ABTB2: variants seen among roughly 807,000 people sequenced by gnomAD.
The protein encoded by ABTB2 is ankyrin repeat and BTB/POZ domain-containing protein 2.
Under a neutral mutation model 104.1 loss-of-function variants are expected in ABTB2, and 56 were observed. The ratio of observed to expected loss-of-function variants is 0.54; its 90% confidence interval spans 0.43 to 0.67. The LOEUF (loss-of-function observed/expected upper bound fraction) is 0.67. Among genes scored for constraint, ABTB2 ranks in the 30% least tolerant of loss-of-function variants. The pLI is 0.00. For missense variants in ABTB2, 1,279 were observed against 1,407.7 expected, an observed-to-expected ratio of 0.91 and a Z score of 1.46; for synonymous variants, 606 against 608.2, an observed-to-expected ratio of 1.00 and a Z score of 0.05.
intron 1 of ABTB2, among the ~76,000 whole-genome samples, chr11:34,276,952 A>T (rs1258067449): frequency 1.3e-5 from 2 of 152,184 alleles, no homozygotes; most frequent in African/African-American, 4.8e-5. Flanking sequence ...CCCAGGTTGG[A>T]GTGCAATGGT....
rs571111186 is a variant in ABTB2 at position 34,265,147 on chromosome 11, G to A, written c.884-60457C>T. Among the ~76,000 whole-genome samples the A allele has an allele frequency of 8.5e-5, 13 of 152,302 alleles. No homozygotes were observed. In the South Asian group the frequency reaches 2.7e-3, roughly 32 times the overall value. On this transcript the variant is annotated intron_variant, in intron 1 of 16. Transcript: ENST00000435224. The stretch of plus-strand genomic sequence containing the variant: ...CAGGGATACAAGGAAAAATAGAACC[G>A]AAGCAACAAGTTCCAGAGGCAGGTT...
rs540643092 is a variant in ABTB2, at chr11:34,175,861, C to G, written c.1245-2554G>C. Among the ~76,000 whole-genome samples the G allele has an allele frequency of 1.7e-3, 262 of 152,326 alleles. 3 individuals carry two copies. The highest frequency in any genetic ancestry group is 6.8e-3 in the Middle Eastern group (2 of 294). ...ATGGACCTCAGGCCCACCCTGCCTG[C>G]TCCCATCTATGCATGAGAACGAACA... On this transcript the variant is annotated intron_variant, in intron 3 of 16. Coordinates refer to ENST00000435224, the MANE Select transcript of ABTB2 (RefSeq NM_145804.3).
Position 34,160,229 on chromosome 11 carries a change from G to C in ABTB2, c.2503+19C>G. On this transcript the variant is annotated intron_variant, in intron 12 of 16. Transcript: ENST00000435224. Reference sequence around the variant, plus strand: ...GGGAGGACGTGTGGTGATGCAGGGCGCAGGGGGCGCGCCTTCACCTAGCCT... The same window carrying C: ...GGGAGGACGTGTGGTGATGCAGGGCCCAGGGGGCGCGCCTTCACCTAGCCT... The C allele has an allele frequency of 6.3e-7, 1 of 1,585,870 alleles. No individual in the cohort carries two copies. Among genetic ancestry groups the C allele is most frequent in the Middle Eastern group, 1.7e-4 (1 of 5,968 alleles).
chr11:34,165,840 G>C (rs1413039741), intron 7 of ABTB2, among the ~76,000 whole-genome samples: 1 of 152,236 alleles, frequency 6.6e-6, no homozygotes, highest in Non-Finnish European at 1.5e-5. Context: ...TCACAGAATG[G>C]GAAGAGGGGC....
intron 1 of ABTB2, among the ~76,000 whole-genome samples, chr11:34,278,949 GA>G (rs1351623195): frequency 1.1e-4 from 16 of 152,176 alleles, no homozygotes; most frequent in Non-Finnish European, 2.2e-4. Context: ...ATGGACTCTG[GA>G]GATTACAATT....
In ABTB2 at chr11:34,154,200, G is replaced by A. The variant is rs937544005; in HGVS notation, c.2880+65C>T. On this transcript the variant is annotated intron_variant, in intron 16 of 16. Transcript: ENST00000435224. This position sits in a 1 kb window ranked among gnomAD's most constrained non-coding sequence, Gnocchi z 4.9. ...TAGCTCATCCCCAGTGCAGCCACAC[G>A]GCCGAGGCCCCCGTGGAGCAGAGCA... 28 of 1,315,776 alleles carry A rather than the reference G, an allele frequency of 2.1e-5. No homozygotes were observed. The Admixed American group carries it at 4.1e-4, about 19-fold the overall frequency. The allele number at this position is 1,315,776 out of a possible 1,614,324, so 81.5% of individuals were successfully genotyped here. A position where few individuals can be genotyped will look rare whatever the true frequency, so the allele number is the denominator to read the frequency against.
In ABTB2 at chr11:34,173,437, C is replaced by T. The variant is rs1004196420; in HGVS notation, c.1245-130G>A. ...GGGTCAGTCCTAGGGTGGGGGGCTC[C>T]CTGCTGGGCAGCAGAGGGTCAGGCC... is the stretch of plus-strand genomic sequence containing the variant. On this transcript the variant is annotated intron_variant, in intron 3 of 16. Coordinates refer to ENST00000435224, the MANE Select transcript of ABTB2 (RefSeq NM_145804.3). The T allele has an allele frequency of 1.4e-5, 17 of 1,173,308 alleles. No individual in the cohort carries two copies. The Admixed American group carries it at 4.0e-4, about 28-fold the overall frequency. 72.7% of individuals were successfully genotyped at this position (1,173,308 alleles called of 1,614,324 possible). A position where few individuals can be genotyped will look rare whatever the true frequency, so the allele number is the denominator to read the frequency against.
At chr11:34,217,011 T>G (rs2133047974) in intron 1 of ABTB2, among the ~76,000 whole-genome samples, 2 of 152,342 alleles carry the variant, frequency 1.3e-5, no homozygotes, top group Middle Eastern at 6.8e-3. Context: ...AACCTCATCC[T>G]AGAAATTTCT....
At chr11:34,275,795 A>G (rs1211937945) in intron 1 of ABTB2, among the ~76,000 whole-genome samples, 1 of 152,176 alleles carries the variant, frequency 6.6e-6, no homozygotes, top group Non-Finnish European at 1.5e-5. Context: ...TTTCATGTCA[A>G]GAACACCAAA....
chr11:34,270,425 C>T (rs761062545), intron 1 of ABTB2, among the ~76,000 whole-genome samples: 3 of 151,646 alleles, frequency 2.0e-5, no homozygotes, highest in Admixed American at 6.6e-5. Flanking sequence ...CTGCAACCTC[C>T]GCCTGCTGGG....
chr11:34,163,372 A>G (rs925810341), intron 9 of ABTB2, among the ~76,000 whole-genome samples: 3 of 152,214 alleles, frequency 2.0e-5, no homozygotes, highest in African/African-American at 7.2e-5. Flanking sequence ...ATATTTATGA[A>G]TGAAGACACA....
intron 16 of ABTB2, among the ~76,000 whole-genome samples, chr11:34,153,297 CTAT>C (rs1250587552): frequency 1.3e-5 from 2 of 151,904 alleles, no homozygotes; most frequent in Non-Finnish European, 2.9e-5. Flanking sequence ...TAAGGGCTGG[CTAT>C]TATTTAGCCT....
chr11:34,237,218 G>C (rs1853855550), intron 1 of ABTB2, among the ~76,000 whole-genome samples: 1 of 151,766 alleles, frequency 6.6e-6, no homozygotes, highest in African/African-American at 2.4e-5. Context: ...CATACTGGGG[G>C]CTTTCATGCT....
intron 6 of ABTB2, 126 bp downstream of exon 6, chr11:34,167,777 C>T: frequency 9.8e-7 from 1 of 1,019,502 alleles, no homozygotes; most frequent in Non-Finnish European, 1.5e-6. Flanking sequence ...TGCATCTTGT[C>T]TTTCCGGTCT....
intron 1 of ABTB2, among the ~76,000 whole-genome samples, chr11:34,324,814 A>T (rs190260390): frequency 6.6e-6 from 1 of 152,288 alleles, no homozygotes; most frequent in East Asian, 1.9e-4. Context: ...AAGCACAAAG[A>T]CGCACAAAGA....
At chr11:34,355,808 A>C (rs1388340714) in intron 1 of ABTB2, among the ~76,000 whole-genome samples, 1 of 152,206 alleles carries the variant, frequency 6.6e-6, no homozygotes, top group African/African-American at 2.4e-5. Context: ...TAACATTGTC[A>C]GGGAAAAGGT....
chr11:34,324,507 G>A (rs376288482), intron 1 of ABTB2, among the ~76,000 whole-genome samples: 7 of 152,146 alleles, frequency 4.6e-5, no homozygotes, highest in African/African-American at 1.7e-4. Context: ...AAAAAAACAG[G>A]TGCCAGTTAG....
rs1852711992 is a variant in ABTB2 at position 34,160,982 on chromosome 11, G to A, written c.2318C>T (p.Ser773Phe). Reference sequence around the variant, plus strand: ...CTCGTTGTACTCCTCCTCTCTGATGGAGCTGAAGTCCCGCAGGAGGCTCTG... The same window carrying A: ...CTCGTTGTACTCCTCCTCTCTGATGAAGCTGAAGTCCCGCAGGAGGCTCTG... ...VVQSLLRDFSSIREEEYNEEL... is the reference protein window; with the variant it reads ...VVQSLLRDFSFIREEEYNEEL... Residue 773 changes from serine to phenylalanine, a missense_variant, in exon 11 of 17, where the codon TCC (serine) becomes TTC (phenylalanine). By Grantham distance (155) the Ser-to-Phe change is radical (BLOSUM62 -2). Transcript: ENST00000435224. 6.2e-7 allele frequency: 1 copy of A among 1,613,842 alleles called. No homozygotes were observed. The highest frequency in any genetic ancestry group is 2.2e-5 in the East Asian group (1 of 44,878).
At chr11:34,212,181 G>A (rs1010391811) in intron 1 of ABTB2, among the ~76,000 whole-genome samples, 5 of 151,982 alleles carry the variant, frequency 3.3e-5, no homozygotes, top group East Asian at 2.0e-4. Context: ...CTCAGCCTCC[G>A]GAGTAGCTGG....
Sources: allele counts gnomAD v4.1 joint callset (sites outside exome capture counted in the v4.1 genomes callset), GRCh38; gene constraint gnomAD v4.1.1; non-coding constraint Gnocchi (gnomAD v3.1); transcripts MANE v1.5; gene names NCBI Gene and HGNC (gene_info 2026-07-23, HGNC 2026-07-21).